The following UHRF2 variants were observed in gnomAD, a reference collection of about 807,000 sequenced individuals.
The protein encoded by UHRF2 is ubiquitin like with PHD and ring finger domains 2.
A neutral mutation model predicts 96.8 loss-of-function variants in UHRF2; 23 were observed. The observed-to-expected ratio is 0.24, with a 90% CI of 0.17 to 0.34. UHRF2 has a LOEUF of 0.34. UHRF2 is among the 10% of genes least tolerant of loss of function. UHRF2 has a pLI of 1.00. For missense variants in UHRF2, 685 were observed against 981.5 expected (o/e 0.70, Z 4.04); for synonymous variants, 385 against 332.6 (o/e 1.16, Z -1.72).
At chr9:6,439,482 G>C (rs1563756707) in intron 3 of UHRF2, among the ~76,000 whole-genome samples, 1 of 152,210 alleles carries the variant, frequency 6.6e-6, no homozygotes, top group Non-Finnish European at 1.5e-5. Context: ...TCGATTGTCA[G>C]CCTTAAGGCC....
chr9:6,414,518 C>G (rs191037242), intron 1 of UHRF2, among the ~76,000 whole-genome samples: 21 of 152,234 alleles, frequency 1.4e-4, no homozygotes, highest in African/African-American at 4.6e-4. Context: ...AAGTTTTTTT[C>G]CTATTCCACA....
intron 2 of UHRF2, among the ~76,000 whole-genome samples, chr9:6,428,531 T>C (rs13283663): frequency 1.6e-5 from 2 of 122,088 alleles, no homozygotes; most frequent in African/African-American, 3.0e-5. Context: ...ATATTGCTTT[T>C]GCTTTTTTTT....
At chr9:6,427,311 A>G (rs968211964) in intron 2 of UHRF2, among the ~76,000 whole-genome samples, 1 of 152,198 alleles carries the variant, frequency 6.6e-6, no homozygotes, top group Non-Finnish European at 1.5e-5. Context: ...TTTGAACATC[A>G]TGATAAGCAG....
chr9:6,446,930 C>T (rs975991455), intron 3 of UHRF2, among the ~76,000 whole-genome samples: 2 of 151,820 alleles, frequency 1.3e-5, no homozygotes, highest in Non-Finnish European at 2.9e-5. Context: ...GCTCTGTCAC[C>T]CAGGCTGGAG....
In UHRF2 at chr9:6,413,538, T is replaced by G; in HGVS notation, c.48T>G (p.Ile16Met). 1 of 1,595,264 alleles carries G rather than the reference T, an allele frequency of 6.3e-7. No homozygotes were observed. The highest frequency in any genetic ancestry group is 8.5e-7 in the Non-Finnish European group (1 of 1,171,750). ...TTGATGGCTCCAAGACGTGCACCAT[T>G]GAGGACGTGTCTCGCAAAGCCACGA... ...RTIDGSKTCTIEDVSRKATIE... is the reference protein window; with the variant it reads ...RTIDGSKTCTMEDVSRKATIE... The change falls in exon 1 of 16, where the codon ATT becomes ATG. Residue 16 changes from isoleucine (I) to methionine (M), a missense_variant. Coordinates refer to ENST00000276893, the MANE Select transcript of UHRF2 (RefSeq NM_152896.3).
chr9:6,483,848 CCTGA>C (rs1824080421), intron 8 of UHRF2, among the ~76,000 whole-genome samples: 1 of 152,078 alleles, frequency 6.6e-6, no homozygotes, highest in Non-Finnish European at 1.5e-5. Flanking sequence ...CACCACCACG[CCTGA>C]CTAATTTTGT....
chr9:6,468,860 A>C, intron 4 of UHRF2: 1 of 363,486 alleles, frequency 2.8e-6, no homozygotes, highest in Non-Finnish European at 5.4e-6. Flanking sequence ...ACTGTAAACC[A>C]GCCTTGACTC....
intron 3 of UHRF2, among the ~76,000 whole-genome samples, chr9:6,446,091 C>T (rs1417779476): frequency 6.7e-6 from 1 of 149,516 alleles, no homozygotes; most frequent in African/African-American, 2.5e-5. Flanking sequence ...TTCCCTGGCT[C>T]AGGTGATCCT....
rs79975981 is a variant in UHRF2 at position 6,473,311 on chromosome 9, G to T, written c.864-2080G>T. On this transcript the variant is annotated intron_variant, in intron 4 of 15. Transcript: ENST00000276893. ...CCATGAGTCCATAGTAACACAGTCA[G>T]TATGGAAGTTGTTAGAGAATGATTT... is the stretch of plus-strand genomic sequence containing the variant. Among the ~76,000 whole-genome samples the T allele has an allele frequency of 1.2e-3, 183 of 152,316 alleles. 1 individual carries two copies. Among genetic ancestry groups the T allele is most frequent in the African/African-American group, 4.3e-3 (178 of 41,572 alleles).
At chr9:6,499,974 T>G (rs1367773863) in intron 13 of UHRF2, 43 bp downstream of exon 13, 3 of 1,343,740 alleles carry the variant, frequency 2.2e-6, no homozygotes, top group Non-Finnish European at 3.1e-6. Context: ...AACATACTTT[T>G]GTTGTTGTTG....
At chr9:6,471,451 C>G (rs1324116863) in intron 4 of UHRF2, among the ~76,000 whole-genome samples, 1 of 152,172 alleles carries the variant, frequency 6.6e-6, no homozygotes, top group Non-Finnish European at 1.5e-5. Flanking sequence ...CTCTTTGTGA[C>G]CAATAGAATA....
intron 3 of UHRF2, among the ~76,000 whole-genome samples, chr9:6,451,515 C>T (rs1351185936): frequency 3.3e-5 from 5 of 150,188 alleles, no homozygotes; most frequent in African/African-American, 1.2e-4. Flanking sequence ...GTCTCGCTGT[C>T]GCCCAGGTTG....
In UHRF2 at chr9:6,477,623, G is replaced by A; in HGVS notation, c.975G>A (p.Arg325=). The change falls in exon 6 of 16, where the codon AGG becomes AGA. Residue 325 remains arginine, a splice_region_variant and synonymous_variant. Coordinates refer to ENST00000276893, the MANE Select transcript of UHRF2 (RefSeq NM_152896.3). ...PLSFADGKFL[R]RNDPECDLCG... ...TTGCTATAATTTTGTTCTTAATAGGGCGAAATGACCCTGAATGTGACCTGT... is the reference window on the plus strand; with the variant it reads ...TTGCTATAATTTTGTTCTTAATAGGACGAAATGACCCTGAATGTGACCTGT... 1 of 1,602,514 alleles carries A rather than the reference G, an allele frequency of 6.2e-7. No individual in the cohort carries two copies. The highest frequency in any genetic ancestry group is 8.5e-7 in the Non-Finnish European group (1 of 1,174,082).
intron 4 of UHRF2, among the ~76,000 whole-genome samples, chr9:6,467,806 C>T (rs375221076): frequency 4.6e-5 from 7 of 151,936 alleles, no homozygotes; most frequent in Non-Finnish European, 7.4e-5. Flanking sequence ...GCCTCTGAAC[C>T]GGACTGAATC....
At chr9:6,456,622 C>G (rs1186507875) in intron 3 of UHRF2, among the ~76,000 whole-genome samples, 2 of 152,072 alleles carry the variant, frequency 1.3e-5, no homozygotes, top group Non-Finnish European at 2.9e-5. Context: ...CTTTGTCCAG[C>G]ATGGTATTGC....
chr9:6,447,210 A>G (rs1780106555), intron 3 of UHRF2, among the ~76,000 whole-genome samples: 1 of 152,020 alleles, frequency 6.6e-6, no homozygotes, highest in Non-Finnish European at 1.5e-5. Context: ...CTTTTAACCT[A>G]ATTATGTTGT....
At chr9:6,447,078 A>G (rs1821560451) in intron 3 of UHRF2, among the ~76,000 whole-genome samples, 1 of 151,864 alleles carries the variant, frequency 6.6e-6, no homozygotes, top group African/African-American at 2.4e-5. Context: ...TTTAGTAGAG[A>G]TGGGGTTTCA....
intron 1 of UHRF2, among the ~76,000 whole-genome samples, chr9:6,418,528 A>G (rs1238687234): frequency 2.0e-5 from 3 of 152,198 alleles, no homozygotes; most frequent in Non-Finnish European, 4.4e-5. Flanking sequence ...CTGATCTAGT[A>G]GATTAAAAGT....
chr9:6,438,110 T>G (rs1285572272), intron 3 of UHRF2, among the ~76,000 whole-genome samples: 3 of 152,194 alleles, frequency 2.0e-5, no homozygotes, highest in Admixed American at 2.0e-4. Context: ...AATACTTAGC[T>G]TGAAAGACCT....
Sources: gnomAD v4.1 joint callset for allele counts (sites outside exome capture counted in the v4.1 genomes callset) on GRCh38, gnomAD v4.1.1 for gene constraint, MANE v1.5 for transcripts, NCBI Gene and HGNC (gene_info 2026-07-23, HGNC 2026-07-21) for gene names.